The following LRBA variants were observed in gnomAD, a reference collection of about 807,000 sequenced individuals.
The protein encoded by LRBA is LPS responsive beige-like anchor protein, also known as lipopolysaccharide-responsive and beige-like anchor protein.
Under a neutral mutation model 330.0 loss-of-function variants are expected in LRBA, and 176 were observed. The observed-to-expected ratio is 0.53, with a 90% confidence interval of 0.47 to 0.60. The LOEUF (loss-of-function observed/expected upper bound fraction) is 0.60. LRBA is among the 20% of genes least tolerant of loss of function. LRBA has a pLI of 0.00. For missense variants in LRBA, 3,259 were observed against 3,444.8 expected (o/e 0.95, Z 1.35); for synonymous variants, 1,230 against 1,193.0 (o/e 1.03, Z -0.64).
intron 2 of LRBA, among the ~76,000 whole-genome samples, chr4:151,005,420 A>C: frequency 7.3e-6 from 1 of 136,774 alleles, no homozygotes; most frequent in African/African-American, 2.8e-5. Context: ...CCCAGACAAC[A>C]GTACAAGACT....
intron 47 of LRBA, among the ~76,000 whole-genome samples, chr4:150,372,455 G>C (rs1033621323): frequency 6.6e-6 from 1 of 150,470 alleles, no homozygotes; most frequent in Non-Finnish European, 1.5e-5. Context: ...ACAAAAATTA[G>C]CTGTATGTAG....
intron 40 of LRBA, among the ~76,000 whole-genome samples, chr4:150,560,995 A>C (rs1768256018): frequency 6.6e-6 from 1 of 152,164 alleles, no homozygotes; most frequent in Non-Finnish European, 1.5e-5. Context: ...CAAAAAAAAG[A>C]AAAAGGTTAC....
chr4:150,591,058 C>A (rs1772765863), intron 38 of LRBA, among the ~76,000 whole-genome samples, 199 bp from the exon 39 acceptor site: 1 of 152,096 alleles, frequency 6.6e-6, no homozygotes, highest in Non-Finnish European at 1.5e-5. Context: ...CTAATGTTAC[C>A]CTAAACAAGC....
chr4:150,874,772 C>A (rs1402358250), intron 17 of LRBA, among the ~76,000 whole-genome samples: 2 of 152,060 alleles, frequency 1.3e-5, no homozygotes, highest in Non-Finnish European at 2.9e-5. Context: ...CCAGGCAGAT[C>A]TCCAGGCAAC....
chr4:150,350,442 C>T (rs545098595), intron 47 of LRBA, among the ~76,000 whole-genome samples: 45 of 151,982 alleles, frequency 3.0e-4, no homozygotes, highest in African/African-American at 9.9e-4. Context: ...TGGTGGCCTG[C>T]GCCTGTAATC....
At chr4:150,815,050 T>A (rs1235677888) in intron 31 of LRBA, among the ~76,000 whole-genome samples, 1 of 151,950 alleles carries the variant, frequency 6.6e-6, no homozygotes, top group Non-Finnish European at 1.5e-5. Context: ...AGGGTCCTAT[T>A]TCCTCTGTTC....
In LRBA at chr4:150,848,926, T is replaced by A. The variant is rs953278509; in HGVS notation, c.4231A>T (p.Ile1411Phe). 6.2e-7 allele frequency: 1 copy of A among 1,612,762 alleles called. No individual in the cohort carries two copies. The highest frequency in any genetic ancestry group is 8.5e-7 in the Non-Finnish European group (1 of 1,179,290). ...EASVTFLQRLISLVDVLIFAS... is the reference protein window; with the variant it reads ...EASVTFLQRLFSLVDVLIFAS... ...AATATAAGCACATCCACAAGGCTAA[T>A]TAGCCTCTGCAAAAATGTCACAGAG... The change falls in exon 26 of 57, where the codon ATT (isoleucine) becomes TTT (phenylalanine). Residue 1411 changes from isoleucine (I) to phenylalanine (F), a missense_variant. By Grantham distance (21) the Ile-to-Phe change is conservative. Transcript: ENST00000651943.
chr4:150,987,202 T>C lies in LRBA; in HGVS notation c.216+27225A>G, dbSNP rs142974479. Among the ~76,000 whole-genome samples, 38 of 152,336 alleles carry C rather than the reference T, an allele frequency of 2.5e-4. No individual in the cohort carries two copies. In the East Asian group the frequency reaches 7.3e-3, roughly 29 times the overall value. ...TCCCAATGATTAAAAGCTCCCAGGA[T>C]TGTAAACAGACTTTGATTTGCAATT... On this transcript the variant is annotated intron_variant, in intron 2 of 56. Transcript: ENST00000651943.
chr4:150,793,095 A>AG (rs1189353585), intron 34 of LRBA, among the ~76,000 whole-genome samples: 27 of 151,966 alleles, frequency 1.8e-4, no homozygotes, highest in Non-Finnish European at 3.8e-4. Flanking sequence ...AAAAAAAAAA[A>AG]AGAAAGAGGT....
At chr4:150,924,598 T>G (rs1020934503) in intron 4 of LRBA, among the ~76,000 whole-genome samples, 1 of 152,174 alleles carries the variant, frequency 6.6e-6, no homozygotes, top group Non-Finnish European at 1.5e-5. Flanking sequence ...CAATGCAATA[T>G]TTCCACATGT....
intron 22 of LRBA, among the ~76,000 whole-genome samples, chr4:150,858,326 A>G (rs1751468611): frequency 1.3e-5 from 2 of 151,966 alleles, no homozygotes; most frequent in South Asian, 4.1e-4. Flanking sequence ...GCACCTGTAA[A>G]GAACCACCGC....
rs75174313 is a variant in LRBA at position 150,649,294 on chromosome 4, T to C, written c.5921+34257A>G. On this transcript the variant is annotated intron_variant, in intron 37 of 56. Coordinates refer to ENST00000651943, the MANE Select transcript of LRBA (RefSeq NM_001364905.1). ...AGACCAAATATCTTGGCCCCAATAT[T>C]TAAGATCCTTGACAATCAGGTCCCT... Among the ~76,000 whole-genome samples the C allele has an allele frequency of 1.1e-3, 165 of 152,290 alleles. 2 individuals are homozygous for C. In the East Asian group the frequency reaches 0.026, roughly 24 times the overall value.
chr4:150,518,141 C>T (rs1283883183), intron 40 of LRBA, among the ~76,000 whole-genome samples: 1 of 152,128 alleles, frequency 6.6e-6, no homozygotes, highest in Non-Finnish European at 1.5e-5. Context: ...ATCTCAATTG[C>T]CAACATCACT....
At chr4:150,393,341 T>G (rs1309272482) in intron 47 of LRBA, among the ~76,000 whole-genome samples, 1 of 152,132 alleles carries the variant, frequency 6.6e-6, no homozygotes, top group Non-Finnish European at 1.5e-5. Flanking sequence ...ATCTTTTTTT[T>G]TTTTTAATGC....
chr4:150,967,639 G>C (rs947182908), intron 2 of LRBA, among the ~76,000 whole-genome samples: 3 of 152,182 alleles, frequency 2.0e-5, no homozygotes, highest in Non-Finnish European at 4.4e-5. Flanking sequence ...CCTGCATCCA[G>C]CAGGTCCATT....
At chr4:150,464,911 A>C (rs1005652354) in intron 44 of LRBA, among the ~76,000 whole-genome samples, 3 of 152,068 alleles carry the variant, frequency 2.0e-5, no homozygotes, top group Admixed American at 1.3e-4. Flanking sequence ...ATGGTGGCAA[A>C]ATATACATAA....
At chr4:150,406,533 A>G (rs1746214867) in intron 47 of LRBA, among the ~76,000 whole-genome samples, 1 of 152,204 alleles carries the variant, frequency 6.6e-6, no homozygotes, top group Non-Finnish European at 1.5e-5. Flanking sequence ...CAGTTACCAT[A>G]AGAGAACTGA....
intron 31 of LRBA, among the ~76,000 whole-genome samples, chr4:150,812,429 G>A (rs942713807): frequency 1.1e-4 from 17 of 152,042 alleles, no homozygotes; most frequent in African/African-American, 2.2e-4. Flanking sequence ...AGGTCCCTGC[G>A]GGTCTAAATA....
At chr4:150,520,362 G>A (rs1353425337) in intron 40 of LRBA, among the ~76,000 whole-genome samples, 1 of 151,914 alleles carries the variant, frequency 6.6e-6, no homozygotes, top group Non-Finnish European at 1.5e-5. Flanking sequence ...CAAAGAACTT[G>A]TCATATCTTT....
Sources: gnomAD v4.1 joint callset for allele counts (sites outside exome capture counted in the v4.1 genomes callset) on GRCh38, gnomAD v4.1.1 for gene constraint, MANE v1.5 for transcripts, NCBI Gene and HGNC (gene_info 2026-07-23, HGNC 2026-07-21) for gene names.